Variants in ADCYAP1R1 observed in about 807,000 individuals in gnomAD.
ADCYAP1R1 encodes the protein ADCYAP receptor type I.
ADCYAP1R1 carries 44 observed loss-of-function variants against 67.6 expected under a neutral mutation model. The observed-to-expected ratio is 0.65, with a 90% confidence interval of 0.51 to 0.84. The LOEUF is 0.84. Ranked by LOEUF, ADCYAP1R1 falls within the 40% of genes least tolerant of loss-of-function variation. ADCYAP1R1 has a pLI of 0.00. For missense variants in ADCYAP1R1, 477 were observed against 587.9 expected, an observed-to-expected ratio of 0.81 and a Z score of 1.95; for synonymous variants, 222 against 219.6, an observed-to-expected ratio of 1.01 and a Z score of -0.10.
intron 13 of ADCYAP1R1, among the ~76,000 whole-genome samples, chr7:31,095,078 G>A (rs1466130219): frequency 6.6e-6 from 1 of 152,158 alleles, no homozygotes; most frequent in African/African-American, 2.4e-5. Context: ...GCCAAAGTGA[G>A]TAGTAATCCA....
chr7:31,100,134 G>T (rs569857013), intron 13 of ADCYAP1R1: 20 of 1,550,398 alleles, frequency 1.3e-5, no homozygotes, highest in Non-Finnish European at 1.7e-5. Context: ...CAGCAGCTGC[G>T]TGCAGAAATG....
At chr7:31,067,359 T>A (rs1794779740) in intron 3 of ADCYAP1R1, among the ~76,000 whole-genome samples, 1 of 152,172 alleles carries the variant, frequency 6.6e-6, no homozygotes, top group Non-Finnish European at 1.5e-5. Context: ...AAGGCCCAGT[T>A]GGACCACCAA....
At chr7:31,095,110 T>C (rs1051812640) in intron 13 of ADCYAP1R1, among the ~76,000 whole-genome samples, 16 of 152,182 alleles carry the variant, frequency 1.1e-4, no homozygotes, top group Admixed American at 9.8e-4. Flanking sequence ...TGCTAAGAAC[T>C]GTAGAGCACT....
At chr7:31,105,165 T>C (rs1187713633) in intron 15 of ADCYAP1R1, among the ~76,000 whole-genome samples, 1 of 152,198 alleles carries the variant, frequency 6.6e-6, no homozygotes, top group Non-Finnish European at 1.5e-5. Flanking sequence ...AGAGCAAAGC[T>C]CCTGGTAAAA....
Position 31,088,776 on chromosome 7 carries a change from A to G in ADCYAP1R1, c.954+1080A>G, listed in dbSNP as rs751699667. 1.7e-4 allele frequency among the ~76,000 whole-genome samples: 26 copies of G among 152,158 alleles called. 1 individual carries two copies. The highest frequency in any genetic ancestry group is 3.5e-4 in the Non-Finnish European group (24 of 68,014). ...ATGCTAGTTACTGTAACCTTGTAGCATGTTCTGGTATGCAGATTTTCCCTT... is the reference window on the plus strand; with the variant it reads ...ATGCTAGTTACTGTAACCTTGTAGCGTGTTCTGGTATGCAGATTTTCCCTT... On this transcript the variant is annotated intron_variant, in intron 12 of 15. Transcript: ENST00000304166.
chr7:31,090,293 G>T (rs1795913269), intron 12 of ADCYAP1R1, among the ~76,000 whole-genome samples: 2 of 151,808 alleles, frequency 1.3e-5, no homozygotes, highest in South Asian at 2.1e-4. Context: ...TATGTCTATT[G>T]TCTTGCCATC....
At position 31,108,643 on chromosome 7, in the gene ADCYAP1R1, A is replaced by C. The variant is rs567609363; in HGVS notation, c.*1959A>C. On this transcript the variant is annotated 3_prime_UTR_variant, in exon 16 of 16. Transcript: ENST00000304166. The stretch of plus-strand genomic sequence containing the variant: ...CCATTTGTGAGATGAGGCAACTTCC[A>C]ATGCTTCTCTAGGCCCTGCACGTAA... The C allele has an allele frequency of 2.0e-5, 3 of 152,196 alleles. No individual in the cohort carries two copies. Among genetic ancestry groups the C allele is most frequent in the Non-Finnish European group, 2.9e-5 (2 of 68,072 alleles). 9.4% of individuals were successfully genotyped at this position (152,196 alleles called of 1,614,324 possible).
chr7:31,068,802 A>G (rs1345636789), intron 3 of ADCYAP1R1, among the ~76,000 whole-genome samples: 2 of 152,114 alleles, frequency 1.3e-5, no homozygotes, highest in African/African-American at 4.8e-5. Context: ...ACTCCCCTCA[A>G]GGGCCTCAAG....
At chr7:31,053,152 C>G (rs1473668305) in intron 1 of ADCYAP1R1, among the ~76,000 whole-genome samples, 1 of 151,636 alleles carries the variant, frequency 6.6e-6, no homozygotes, top group East Asian at 1.9e-4. Flanking sequence ...CCGCAATCCG[C>G]ACGGGGTTTG....
intron 1 of ADCYAP1R1, among the ~76,000 whole-genome samples, chr7:31,052,967 TG>T (rs907545095): frequency 6.6e-6 from 1 of 151,626 alleles, no homozygotes; most frequent in Non-Finnish European, 1.5e-5. Flanking sequence ...ACTGCCGGGG[TG>T]GGGGTCGACC....
At position 31,078,040 on chromosome 7, in the gene ADCYAP1R1, G is replaced by A. The variant is rs1795350627; in HGVS notation, c.207G>A (p.Val69=). The part of the protein sequence containing the change: ...DNITCWKPAH[V]GEMVLVSCPE... ...TCACGTGTTGGAAGCCCGCCCATGT[G>A]GGTGAGATGGTCCTGGTCAGCTGCC... Residue 69 remains valine, a synonymous_variant, in exon 4 of 16, where the codon GTG becomes GTA. Coordinates refer to ENST00000304166, the MANE Select transcript of ADCYAP1R1 (RefSeq NM_001118.5). 3 of 1,613,208 alleles carry A rather than the reference G, an allele frequency of 1.9e-6. No homozygotes were observed. The highest frequency in any genetic ancestry group is 2.7e-5 in the African/African-American group (2 of 74,860).
chr7:31,053,296 G>T lies in ADCYAP1R1; in HGVS notation c.-72+618G>T, dbSNP rs529647176. On this transcript the variant is annotated intron_variant, in intron 1 of 15. Coordinates refer to ENST00000304166, the MANE Select transcript of ADCYAP1R1 (RefSeq NM_001118.5). The stretch of plus-strand genomic sequence containing the variant: ...CCCGTGGCGCGGAGGGGCTGGGGTT[G>T]GGGATGCCAGGGCTTCAGTGGTCCC... Among the ~76,000 whole-genome samples, 235 of 152,326 alleles carry T rather than the reference G, an allele frequency of 1.5e-3. 6 individuals carry two copies. Among genetic ancestry groups the T allele is most frequent in the Admixed American group, 0.015 (235 of 15,304 alleles).
At chr7:31,067,417 A>C (rs1733165802) in intron 3 of ADCYAP1R1, among the ~76,000 whole-genome samples, 1 of 147,652 alleles carries the variant, frequency 6.8e-6, no homozygotes. Flanking sequence ...CTCTTTTAAA[A>C]TGAGTGGAGT....
intron 13 of ADCYAP1R1, among the ~76,000 whole-genome samples, chr7:31,095,502 G>A (rs951635063): frequency 2.0e-5 from 3 of 152,112 alleles, no homozygotes; most frequent in Non-Finnish European, 4.4e-5. Context: ...CTGGGAGGAG[G>A]GGAGAATGTC....
At chr7:31,075,740 G>A (rs1795183259) in intron 3 of ADCYAP1R1, among the ~76,000 whole-genome samples, 1 of 152,166 alleles carries the variant, frequency 6.6e-6, no homozygotes, top group African/African-American at 2.4e-5. Flanking sequence ...TGTTGGTGGG[G>A]GGCTTGTGAC....
intron 12 of ADCYAP1R1, among the ~76,000 whole-genome samples, chr7:31,091,262 A>C (rs1161342983): frequency 2.0e-5 from 3 of 152,128 alleles, no homozygotes; most frequent in African/African-American, 7.2e-5. Context: ...ATTTTTAATA[A>C]GATTATTTGT....
intron 3 of ADCYAP1R1, among the ~76,000 whole-genome samples, 178 bp from the exon 4 acceptor site, chr7:31,077,813 G>C (rs990972638): frequency 2.1e-5 from 3 of 145,076 alleles, no homozygotes; most frequent in Non-Finnish European, 3.0e-5. Context: ...GTTGTGTGGT[G>C]TGTGTGTGAT....
chr7:31,085,434 A>T lies in ADCYAP1R1; in HGVS notation c.661A>T (p.Ile221Phe), dbSNP rs779909586. 21 of 1,612,882 alleles carry T rather than the reference A, an allele frequency of 1.3e-5. 2 individuals are homozygous for T. The South Asian group carries it at 2.2e-4, about 17-fold the overall frequency. ...GGAGCAGGACAGCAACCACTGCTTC[A>T]TCTCCACTGTGAGTGAGCCAAGCAG... ...YAEQDSNHCF[I>F]STVECKAVMV... Residue 221 changes from isoleucine (I) to phenylalanine (F), a missense_variant, in exon 9 of 16, where the codon ATC (isoleucine) becomes TTC (phenylalanine). Ile to Phe is a conservative substitution (Grantham distance 21). Coordinates refer to ENST00000304166, the MANE Select transcript of ADCYAP1R1 (RefSeq NM_001118.5).
chr7:31,078,896 T>C (rs1359037543), intron 4 of ADCYAP1R1, among the ~76,000 whole-genome samples: 1 of 152,084 alleles, frequency 6.6e-6, no homozygotes, highest in Non-Finnish European at 1.5e-5. Flanking sequence ...GAGGGAAGGC[T>C]GGGTGGGTGC....
Sources: gnomAD v4.1 joint callset for allele counts (sites outside exome capture counted in the v4.1 genomes callset) on GRCh38, gnomAD v4.1.1 for gene constraint, MANE v1.5 for transcripts, NCBI Gene and HGNC (gene_info 2026-07-23, HGNC 2026-07-21) for gene names.